SMARCB1: variants seen among roughly 807,000 people sequenced by gnomAD.
SMARCB1 encodes SWI/SNF related BAF chromatin remodeling complex subunit B1.
SMARCB1 carries 5 observed loss-of-function variants against 49.0 expected under a neutral mutation model. That is an observed-to-expected ratio of 0.10 (90% confidence interval 0.05 to 0.21). The LOEUF (loss-of-function observed/expected upper bound fraction) is 0.21, where lower values mean the gene tolerates loss of function less well. Ranked by LOEUF, SMARCB1 falls within the 10% of genes least tolerant of loss-of-function variation. The probability of loss-of-function intolerance (pLI) is 1.00; values close to 1 mark genes in which losing one functional copy is unlikely to be tolerated. For missense variants in SMARCB1, 226 were observed against 509.2 expected (o/e 0.44, Z 5.35); for synonymous variants, 201 against 200.1 (o/e 1.00, Z -0.04).
At chr22:23,834,025 C>A in intron 8 of SMARCB1, 116 bp from the exon 9 acceptor site, 1 of 1,138,518 alleles carries the variant, frequency 8.8e-7, no homozygotes, top group Non-Finnish European at 1.3e-6. Flanking sequence ...TGCTGGGGGC[C>A]CACATCCTGC....
At chr22:23,813,058 G>T (rs1929976354) in intron 5 of SMARCB1, among the ~76,000 whole-genome samples, 1 of 152,036 alleles carries the variant, frequency 6.6e-6, no homozygotes. Flanking sequence ...GTAGAGACGG[G>T]GTTTCACAGT....
chr22:23,809,611 CTG>C (rs1387397043), intron 5 of SMARCB1, among the ~76,000 whole-genome samples: 1 of 151,584 alleles, frequency 6.6e-6, no homozygotes, highest in Non-Finnish European at 1.5e-5. Flanking sequence ...CGGGGTTTCA[CTG>C]TGTTAGCCAG....
chr22:23,821,578 C>T (rs995248716), intron 6 of SMARCB1, among the ~76,000 whole-genome samples: 7 of 151,976 alleles, frequency 4.6e-5, no homozygotes, highest in African/African-American at 1.4e-4. Context: ...GGCTGGGCAC[C>T]GTGGCTCATG....
rs1251285556 is a variant in SMARCB1 at position 23,834,364 on chromosome 22, T to G, written c.*184T>G. On this transcript the variant is annotated 3_prime_UTR_variant, in exon 9 of 9. Transcript: ENST00000644036. ...CATTCCATTTGTTGAGCCCCAGTCC[T>G]GCCCCCCACCCCACCCTCCCTACCC... 1 of 710,564 alleles carries G rather than the reference T, an allele frequency of 1.4e-6. No homozygotes were observed. The highest frequency in any genetic ancestry group is 1.7e-5 in the African/African-American group (1 of 57,172). 44.0% of individuals were successfully genotyped at this position (710,564 alleles called of 1,614,324 possible).
intron 6 of SMARCB1, chr22:23,823,642 T>C (rs563897950): frequency 5.3e-5 from 8 of 151,704 alleles, no homozygotes; most frequent in African/African-American, 1.7e-4. Flanking sequence ...GTGAAGAAAA[T>C]AGGAGAGGTG....
intron 7 of SMARCB1, among the ~76,000 whole-genome samples, chr22:23,831,578 G>A (rs2030658604): frequency 6.6e-6 from 1 of 152,152 alleles, no homozygotes; most frequent in African/African-American, 2.4e-5. Flanking sequence ...CTGGCTCTAG[G>A]CCCGTTCTTA....
rs1420423974 is a variant in SMARCB1 at position 23,834,157 on chromosome 22, G to A, written c.1135G>A (p.Ala379Thr). 1 of 1,594,064 alleles carries A rather than the reference G, an allele frequency of 6.3e-7. No homozygotes were observed. The highest frequency in any genetic ancestry group is 8.5e-7 in the Non-Finnish European group (1 of 1,170,700). ...DRNTRRMRRLANTAPAW is the reference protein window; with the variant it reads ...DRNTRRMRRLTNTAPAW ...CTCTTCCAGGCGGATGAGGCGTCTT[G>A]CCAACACGGCCCCGGCCTGGTAACC... Residue 379 changes from alanine (A) to threonine (T), a missense_variant, in exon 9 of 9, where the codon GCC (alanine) becomes ACC (threonine). By Grantham distance (58) the Ala-to-Thr change is moderately conservative. This residue lies in a region of SMARCB1 where 15 missense variants were observed against 17.0 expected (regional missense o/e 0.88). Coordinates refer to ENST00000644036, the MANE Select transcript of SMARCB1 (RefSeq NM_003073.5).
intron 7 of SMARCB1, among the ~76,000 whole-genome samples, chr22:23,831,031 G>C (rs1320706967): frequency 6.6e-6 from 1 of 152,108 alleles, no homozygotes; most frequent in Non-Finnish European, 1.5e-5. Context: ...TGTCAATCCA[G>C]AGTCATGTTG....
At chr22:23,795,339 C>T (rs965906565) in intron 3 of SMARCB1, among the ~76,000 whole-genome samples, 1 of 151,890 alleles carries the variant, frequency 6.6e-6, no homozygotes, top group African/African-American at 2.4e-5. Flanking sequence ...GGTAACAGAA[C>T]GACACTCTTT....
chr22:23,832,499 GCCAAGTGGAGGTGC>G (rs1281697918), intron 7 of SMARCB1, among the ~76,000 whole-genome samples: 1 of 152,160 alleles, frequency 6.6e-6, no homozygotes, highest in African/African-American at 2.4e-5. Context: ...CCTAGGGAGA[GCCAAGTGGAGGTGC>G]CCAAGTGGAG....
intron 1 of SMARCB1, among the ~76,000 whole-genome samples, chr22:23,789,904 C>T (rs34901831): frequency 0.047 from 7,128 of 152,270 alleles, 537 homozygotes; most frequent in African/African-American, 0.16. Context: ...TGCCTCCATG[C>T]GCCATCTGTG....
At chr22:23,821,389 T>C (rs1241274656) in intron 6 of SMARCB1, among the ~76,000 whole-genome samples, 1 of 152,144 alleles carries the variant, frequency 6.6e-6, no homozygotes, top group Non-Finnish European at 1.5e-5. Flanking sequence ...CCATCTATAA[T>C]TGGGACTCAG....
chr22:23,790,649 C>T (rs1928319385), intron 1 of SMARCB1, among the ~76,000 whole-genome samples: 1 of 151,976 alleles, frequency 6.6e-6, no homozygotes, highest in Non-Finnish European at 1.5e-5. Context: ...TTGAGACCAG[C>T]CTGGGCAACA....
rs561749177 is a variant in SMARCB1, at chr22:23,820,018, C to CG, written c.795+3086dup. 1.1e-3 allele frequency among the ~76,000 whole-genome samples: 161 copies of CG among 151,960 alleles called. 2 individuals carry two copies. Among genetic ancestry groups the CG allele is most frequent in the Middle Eastern group, 3.4e-3 (1 of 294 alleles). On this transcript the variant is annotated intron_variant, in intron 6 of 8. Coordinates refer to ENST00000644036, the MANE Select transcript of SMARCB1 (RefSeq NM_003073.5). ...CTAAATTTTGTACTTTTAGTAGAGA[C>CG]GGGGTCTCATCATATTGACCAGGCT...
In SMARCB1 at chr22:23,835,487, C is replaced by T; in HGVS notation, c.*1307C>T. On this transcript the variant is annotated 3_prime_UTR_variant, in exon 9 of 9. Transcript: ENST00000644036. ...AGAGCTCTGATTAGGGATTGGGGTT[C>T]TTGGTCGCTGAGATGTGAGAGGAGG... 1.0e-6 allele frequency: 1 copy of T among 985,742 alleles called. No individual in the cohort carries two copies. The highest frequency in any genetic ancestry group is 1.2e-6 in the Non-Finnish European group (1 of 830,154). 61.1% of individuals were successfully genotyped at this position (985,742 alleles called of 1,614,324 possible).
rs566893269 is a variant in SMARCB1, at chr22:23,836,318, A to G, written c.*2138A>G. 7.1e-5 allele frequency: 70 copies of G among 985,506 alleles called. No individual in the cohort carries two copies. The African/African-American group carries it at 1.1e-3, about 15-fold the overall frequency. 61.0% of individuals were successfully genotyped at this position (985,506 alleles called of 1,614,324 possible). On this transcript the variant is annotated 3_prime_UTR_variant, in exon 9 of 9. Coordinates refer to ENST00000644036, the MANE Select transcript of SMARCB1 (RefSeq NM_003073.5). ...CGCCCACCTGTCAGGGTGGCTGATGAGAGACAGGAGAGGCTAGATTGGCAT... is the reference window on the plus strand; with the variant it reads ...CGCCCACCTGTCAGGGTGGCTGATGGGAGACAGGAGAGGCTAGATTGGCAT...
In SMARCB1 at chr22:23,836,781, T is replaced by G. The variant is rs1236834223; in HGVS notation, c.*2601T>G. 22 of 1,411,914 alleles carry G rather than the reference T, an allele frequency of 1.6e-5. No individual in the cohort carries two copies. The highest frequency in any genetic ancestry group is 1.3e-5 in the Non-Finnish European group (14 of 1,083,654). The allele number at this position is 1,411,914 out of a possible 1,614,324, so 87.5% of individuals were successfully genotyped here. A position where few individuals can be genotyped will look rare whatever the true frequency, so the allele number is the denominator to read the frequency against. On this transcript the variant is annotated 3_prime_UTR_variant, in exon 9 of 9. Coordinates refer to ENST00000644036, the MANE Select transcript of SMARCB1 (RefSeq NM_003073.5). ...GGTGGGCCCTTGCATGGGCCCAGCC[T>G]TTAGGATGGGTTTTTTCTGCCCCAA...
At position 23,837,906 on chromosome 22, in the gene SMARCB1, C is replaced by T. The variant is rs1291144603; in HGVS notation, c.*3726C>T. ...GCAGGCCTCAGCCCAAGCCCAGGGC[C>T]CCTCTGACTTCCCAAGACCCTGGAA... On this transcript the variant is annotated 3_prime_UTR_variant, in exon 9 of 9. Coordinates refer to ENST00000644036, the MANE Select transcript of SMARCB1 (RefSeq NM_003073.5). 1.3e-6 allele frequency: 2 copies of T among 1,544,798 alleles called. No individual in the cohort carries two copies. The highest frequency in any genetic ancestry group is 2.1e-4 in the Middle Eastern group (1 of 4,654).
At chr22:23,828,055 CTT>C (rs2030473864) in intron 7 of SMARCB1, among the ~76,000 whole-genome samples, 1 of 152,104 alleles carries the variant, frequency 6.6e-6, no homozygotes, top group African/African-American at 2.4e-5. Context: ...TGTCACATGA[CTT>C]TTTGTTTTGT....
Sources: gnomAD v4.1 joint callset for allele counts (sites outside exome capture counted in the v4.1 genomes callset) on GRCh38, gnomAD v4.1.1 for gene constraint, gnomAD v4.1.1 regional missense constraint, MANE v1.5 for transcripts, NCBI Gene and HGNC (gene_info 2026-07-23, HGNC 2026-07-21) for gene names.